The following PTPRA variants were observed in gnomAD, a reference collection of about 807,000 sequenced individuals.
The protein encoded by PTPRA is protein tyrosine phosphatase receptor type A, also known as receptor-type tyrosine-protein phosphatase alpha.
PTPRA carries 25 observed loss-of-function variants against 104.8 expected under a neutral mutation model. The ratio of observed to expected loss-of-function variants is 0.24; its 90% CI spans 0.17 to 0.33. The LOEUF (loss-of-function observed/expected upper bound fraction) is 0.33. PTPRA is among the 10% of genes least tolerant of loss of function. The pLI, the probability that PTPRA is intolerant of heterozygous loss-of-function variation, is 1.00. For missense variants in PTPRA, 765 were observed against 1,015.3 expected, an observed-to-expected ratio of 0.75 and a Z score of 3.35; for synonymous variants, 323 against 368.9, an observed-to-expected ratio of 0.88 and a Z score of 1.43.
In PTPRA at chr20:3,037,266, A is replaced by C; in HGVS notation, c.2311A>C (p.Arg771=). 6.2e-7 allele frequency: 1 copy of C among 1,614,218 alleles called. No individual in the cohort carries two copies. Among genetic ancestry groups the C allele is most frequent in the Non-Finnish European group, 8.5e-7 (1 of 1,180,040 alleles). The change falls in exon 23 of 24, where the codon AGG becomes CGG. Residue 771 remains arginine (R), a synonymous_variant. Transcript: ENST00000399903. The surrounding 1 kb of genome is among the most constrained non-coding windows in gnomAD (Gnocchi z 4.3). The part of the protein sequence containing the change: ...FQTVKSLRLQ[R]PHMVQTLEQY... ...GACTGTCAAGAGCCTGCGGCTACAG[A>C]GGCCACACATGGTCCAGACACTGGT...
At position 2,942,797 on chromosome 20, in the gene PTPRA, A is replaced by G. The variant is rs182979642; in HGVS notation, c.-49-5185A>G. Among the ~76,000 whole-genome samples, 846 of 151,702 alleles carry G rather than the reference A, an allele frequency of 5.6e-3. 8 individuals are homozygous for G. Among genetic ancestry groups the G allele is most frequent in the African/African-American group, 0.019 (782 of 41,452 alleles). ...AATTAATGTATACTTAATATGACAT[A>G]TAATATAATTACAGTAGTACCTTCT... On this transcript the variant is annotated intron_variant, in intron 2 of 23. Transcript: ENST00000399903.
At chr20:2,962,991 G>C (rs1002267371) in intron 3 of PTPRA, among the ~76,000 whole-genome samples, 14 of 152,286 alleles carry the variant, frequency 9.2e-5, no homozygotes, top group Admixed American at 8.5e-4. Context: ...GGGCTCATGA[G>C]TGTATTGCTC....
chr20:2,909,945 TTA>T (rs1274871773), intron 1 of PTPRA, among the ~76,000 whole-genome samples: 2 of 123,642 alleles, frequency 1.6e-5, no homozygotes, highest in Non-Finnish European at 3.1e-5. Flanking sequence ...ATATGTGTAA[TTA>T]TATATTATAA....
chr20:2,892,154 G>T (rs868235853), intron 1 of PTPRA, among the ~76,000 whole-genome samples: 1 of 151,936 alleles, frequency 6.6e-6, no homozygotes, highest in Non-Finnish European at 1.5e-5. Context: ...GCCAGGCATG[G>T]TGGCAGGTGC....
At chr20:2,968,860 A>T (rs1163446490) in intron 5 of PTPRA, among the ~76,000 whole-genome samples, 1 of 152,050 alleles carries the variant, frequency 6.6e-6, no homozygotes, top group African/African-American at 2.4e-5. Context: ...TGCTGCAGTG[A>T]GCTGTGATCG....
At chr20:3,033,740 A>G (rs1407054066) in intron 20 of PTPRA, among the ~76,000 whole-genome samples, 1 of 151,756 alleles carries the variant, frequency 6.6e-6, no homozygotes, top group Non-Finnish European at 1.5e-5. Context: ...CGTCTCTACT[A>G]AAAATACAAA....
intron 11 of PTPRA, among the ~76,000 whole-genome samples, chr20:3,011,872 T>C (rs1257390196): frequency 3.9e-5 from 6 of 152,236 alleles, no homozygotes; most frequent in Non-Finnish European, 5.9e-5. Flanking sequence ...ATGCAGCATG[T>C]GACTGTCATA....
intron 2 of PTPRA, among the ~76,000 whole-genome samples, chr20:2,926,949 C>A (rs774188692): frequency 6.6e-6 from 1 of 151,898 alleles, no homozygotes; most frequent in Non-Finnish European, 1.5e-5. Flanking sequence ...CGCCACCACG[C>A]CCGGCTAATT....
At chr20:3,005,221 A>G (rs2063808750) in intron 10 of PTPRA, 75 bp downstream of exon 10, 2 of 1,411,302 alleles carry the variant, frequency 1.4e-6, no homozygotes, top group African/African-American at 2.8e-5. Context: ...GATGGAAAGA[A>G]TCTTGCAATT....
chr20:3,009,495 A>G (rs1161500160), intron 11 of PTPRA, among the ~76,000 whole-genome samples: 1 of 152,214 alleles, frequency 6.6e-6, no homozygotes, highest in Non-Finnish European at 1.5e-5. Flanking sequence ...GTGAAAGAAC[A>G]GGAGGTTGTG....
chr20:2,889,902 G>T (rs2058730482), intron 1 of PTPRA, among the ~76,000 whole-genome samples: 1 of 151,880 alleles, frequency 6.6e-6, no homozygotes, highest in Admixed American at 6.6e-5. Context: ...ACCTTTTTTT[G>T]AGACAGGATC....
chr20:3,033,079 G>T (rs770728536), intron 20 of PTPRA, among the ~76,000 whole-genome samples: 1 of 151,796 alleles, frequency 6.6e-6, no homozygotes, highest in South Asian at 2.1e-4. Flanking sequence ...AGACTCGGGC[G>T]CTAGCCCACT....
intron 22 of PTPRA, among the ~76,000 whole-genome samples, chr20:3,036,459 G>A (rs2065804769): frequency 6.6e-6 from 1 of 152,236 alleles, no homozygotes; most frequent in African/African-American, 2.4e-5. Context: ...AGAGGATGGT[G>A]TGCACCATGG....
chr20:2,943,858 A>G (rs1205909524), intron 2 of PTPRA, among the ~76,000 whole-genome samples: 3 of 152,208 alleles, frequency 2.0e-5, no homozygotes, highest in Non-Finnish European at 4.4e-5. Context: ...TTAATACTTA[A>G]GTATTATGAT....
chr20:2,930,299 A>G (rs1270724051), intron 2 of PTPRA, among the ~76,000 whole-genome samples: 1 of 152,186 alleles, frequency 6.6e-6, no homozygotes, highest in African/African-American at 2.4e-5. Context: ...ATATGGTATG[A>G]TTTTGTGGTA....
intron 11 of PTPRA, among the ~76,000 whole-genome samples, chr20:3,012,810 G>T (rs1034010347): frequency 6.6e-6 from 1 of 152,068 alleles, no homozygotes; most frequent in African/African-American, 2.4e-5. Flanking sequence ...TAACATTGAG[G>T]TATAATATAT....
rs1366005518 is a variant in PTPRA at position 2,984,973 on chromosome 20, G to A, written c.443-1792G>A. On this transcript the variant is annotated intron_variant, in intron 6 of 23. Coordinates refer to ENST00000399903, the MANE Select transcript of PTPRA (RefSeq NM_001385305.1). ...CTGCTTTTTATTCCTCATAGCACTT[G>A]TCCCTGTCTAAAATTAAGTATTGAC... Among the ~76,000 whole-genome samples, 3 of 152,054 alleles carry A rather than the reference G, an allele frequency of 2.0e-5. No homozygotes were observed. The East Asian group carries it at 5.8e-4, about 29-fold the overall frequency.
At chr20:2,963,550 C>T (rs923618634) in intron 3 of PTPRA, among the ~76,000 whole-genome samples, 4 of 151,826 alleles carry the variant, frequency 2.6e-5, no homozygotes, top group Admixed American at 2.6e-4. Flanking sequence ...GCCAAGATCA[C>T]ACCATTGCAC....
intron 1 of PTPRA, among the ~76,000 whole-genome samples, chr20:2,902,231 C>T (rs1034457178): frequency 6.6e-6 from 1 of 152,090 alleles, no homozygotes; most frequent in Non-Finnish European, 1.5e-5. Context: ...TTATACAGAT[C>T]ATAAGATATT....
Sources: gnomAD v4.1 joint callset for allele counts (sites outside exome capture counted in the v4.1 genomes callset) on GRCh38, gnomAD v4.1.1 for gene constraint, Gnocchi (gnomAD v3.1) non-coding constraint, MANE v1.5 for transcripts, NCBI Gene and HGNC (gene_info 2026-07-23, HGNC 2026-07-21) for gene names.